Variants in DENND1B observed in about 807,000 individuals in gnomAD.
DENND1B encodes the protein DENN domain containing 1B, also known as DENN domain-containing protein 1B.
A neutral mutation model predicts 90.1 loss-of-function variants in DENND1B; 59 were observed. The observed-to-expected ratio is 0.65, with a 90% CI of 0.53 to 0.81. The LOEUF is 0.81. Among genes scored for constraint, DENND1B ranks in the 40% least tolerant of loss-of-function variants. The probability of loss-of-function intolerance (pLI) is 0.00; values close to 1 mark genes in which losing one functional copy is unlikely to be tolerated. For missense variants in DENND1B, 862 were observed against 912.6 expected, an observed-to-expected ratio of 0.94 and a Z score of 0.71; for synonymous variants, 337 against 324.6, an observed-to-expected ratio of 1.04 and a Z score of -0.41.
chr1:197,735,712 G>A, intron 2 of DENND1B: 1 of 1,613,864 alleles, frequency 6.2e-7, no homozygotes. Flanking sequence ...AGGACCGACA[G>A]GAAAGTTTTC....
At chr1:197,727,966 T>G (rs1265391678) in intron 2 of DENND1B, among the ~76,000 whole-genome samples, 1 of 152,250 alleles carries the variant, frequency 6.6e-6, no homozygotes, top group African/African-American at 2.4e-5. Flanking sequence ...TTCTCTCTTG[T>G]TGAAGAGCTG....
intron 5 of DENND1B, among the ~76,000 whole-genome samples, chr1:197,671,608 C>T (rs1025914991): frequency 5.9e-5 from 9 of 152,082 alleles, no homozygotes; most frequent in East Asian, 3.9e-4. Context: ...AGTAGCCAAA[C>T]GAAAACCTCT....
At chr1:197,547,498 G>T (rs1374270098) in intron 16 of DENND1B, among the ~76,000 whole-genome samples, 1 of 152,088 alleles carries the variant, frequency 6.6e-6, no homozygotes, top group South Asian at 2.1e-4. Context: ...ATTCACTTCT[G>T]TATTTAAAAT....
At chr1:197,618,145 G>A (rs1347500240) in intron 10 of DENND1B, among the ~76,000 whole-genome samples, 1 of 151,188 alleles carries the variant, frequency 6.6e-6, no homozygotes, top group African/African-American at 2.4e-5. Context: ...ATTAAATATG[G>A]AAAGGAAGAG....
At chr1:197,607,233 T>A (rs1043907519) in intron 12 of DENND1B, 59 bp from the exon 13 acceptor site, 9 of 1,205,224 alleles carry the variant, frequency 7.5e-6, no homozygotes, top group Non-Finnish European at 6.9e-6. Flanking sequence ...AAAGTTATGA[T>A]GAGTTTGGAA....
rs1656799541 is a variant in DENND1B at position 197,772,905 on chromosome 1, C to A, written c.45G>T (p.Leu15Phe). The A allele has an allele frequency of 3.9e-6, 6 of 1,551,810 alleles. No individual in the cohort carries two copies. The highest frequency in any genetic ancestry group is 1.4e-5 in the African/African-American group (1 of 73,038). The change falls in exon 2 of 23, where the codon TTG (leucine) becomes TTT (phenylalanine). Residue 15 changes from leucine (L) to phenylalanine (F), a missense_variant. By Grantham distance (22) the Leu-to-Phe change is conservative (BLOSUM62 0). Transcript: ENST00000620048. ...AGGCATGACATTTCACTTTCAACAC[C>A]AAGTCAAAGGTTCTGTCTGGATTTG... ...TKANPDRTFDLVLKVKCHASE... is the reference protein window; with the variant it reads ...TKANPDRTFDFVLKVKCHASE...
rs1661367196 is a variant in DENND1B, at chr1:197,723,482, C to T, written c.83-8408G>A. ...ATAAAGAAGGGAAAGAAATGCTGTA[C>T]CACAGATGTTCAATCTTGATTAATC... On this transcript the variant is annotated intron_variant, in intron 2 of 22. Coordinates refer to ENST00000620048, the MANE Select transcript of DENND1B (RefSeq NM_001195215.2). Among the ~76,000 whole-genome samples the T allele has an allele frequency of 2.6e-5, 4 of 152,084 alleles. No homozygotes were observed. The South Asian group carries it at 8.3e-4, about 31-fold the overall frequency.
At chr1:197,616,355 C>T (rs573764033) in intron 11 of DENND1B, among the ~76,000 whole-genome samples, 1 of 151,076 alleles carries the variant, frequency 6.6e-6, no homozygotes, top group South Asian at 2.1e-4. Flanking sequence ...TAAAGGAAAA[C>T]TCTAAAATGA....
chr1:197,609,718 A>G (rs375213635), intron 12 of DENND1B, among the ~76,000 whole-genome samples: 38 of 149,672 alleles, frequency 2.5e-4, no homozygotes, highest in African/African-American at 8.7e-4. Flanking sequence ...AAAAAATAGC[A>G]AAAACCGCAA....
At chr1:197,690,654 G>C (rs1387574605) in intron 3 of DENND1B, 1 of 206,044 alleles carries the variant, frequency 4.9e-6, no homozygotes, top group Admixed American at 4.8e-5. Context: ...CCTAATACCT[G>C]CACCCTAGTT....
intron 13 of DENND1B, chr1:197,605,637 A>G: frequency 6.6e-6 from 1 of 151,166 alleles, no homozygotes; most frequent in East Asian, 1.9e-4. Context: ...TTTTTAAATG[A>G]GTAACTCTAA....
At chr1:197,745,240 CAGTT>C (rs936524645) in intron 2 of DENND1B, among the ~76,000 whole-genome samples, 32 of 152,238 alleles carry the variant, frequency 2.1e-4, no homozygotes, top group African/African-American at 6.5e-4. Flanking sequence ...CTGACACAAA[CAGTT>C]AGTCGGGTGC....
intron 2 of DENND1B, among the ~76,000 whole-genome samples, chr1:197,744,470 T>C (rs1663516822): frequency 6.6e-6 from 1 of 152,188 alleles, no homozygotes. Flanking sequence ...AACAGGTACA[T>C]TGTCAATGAG....
At chr1:197,521,866 T>C (rs1045196764) in intron 20 of DENND1B, among the ~76,000 whole-genome samples, 6 of 152,148 alleles carry the variant, frequency 3.9e-5, no homozygotes, top group Middle Eastern at 3.4e-3. Context: ...TTGGTGAACA[T>C]TTTCTCTATT....
chr1:197,559,200 G>A lies in DENND1B; in HGVS notation c.1150-6088C>T, dbSNP rs532652268. ...AATTCCCTTAGTGGTCTAGACACAT[G>A]TTATATAAATATTTAATTGCAATCA... On this transcript the variant is annotated intron_variant, in intron 15 of 22. Coordinates refer to ENST00000620048, the MANE Select transcript of DENND1B (RefSeq NM_001195215.2). Among the ~76,000 whole-genome samples the A allele has an allele frequency of 4.6e-5, 7 of 151,986 alleles. No homozygotes were observed. The East Asian group carries it at 9.7e-4, about 21-fold the overall frequency.
intron 11 of DENND1B, among the ~76,000 whole-genome samples, 179 bp downstream of exon 11, chr1:197,617,480 T>C (rs1314653250): frequency 6.6e-6 from 1 of 151,242 alleles, no homozygotes; most frequent in Non-Finnish European, 1.5e-5. Flanking sequence ...AGGTATAAAC[T>C]TGCGCTACCT....
At chr1:197,576,641 T>C (rs1190849372) in intron 15 of DENND1B, among the ~76,000 whole-genome samples, 1 of 152,200 alleles carries the variant, frequency 6.6e-6, no homozygotes, top group African/African-American at 2.4e-5. Flanking sequence ...AAATGCAGAA[T>C]GCTTCCTAAA....
In DENND1B at chr1:197,505,091, T is replaced by C. The variant is rs1018575331; in HGVS notation, c.*5369A>G. The C allele has an allele frequency of 1.2e-4, 18 of 151,906 alleles. No individual in the cohort carries two copies. Among genetic ancestry groups the C allele is most frequent in the Admixed American group, 1.1e-3 (16 of 15,204 alleles). The allele number at this position is 151,906 out of a possible 1,614,324, so 9.4% of individuals were successfully genotyped here. A position where few individuals can be genotyped will look rare whatever the true frequency, so the allele number is the denominator to read the frequency against. On this transcript the variant is annotated 3_prime_UTR_variant, in exon 23 of 23. Coordinates refer to ENST00000620048, the MANE Select transcript of DENND1B (RefSeq NM_001195215.2). ...AATTTTGAACCCCTCCTGTGGCTTT[T>C]ACATAAAAAAGCTTTATGCATTTAT...
chr1:197,514,471 C>T (rs1305405336), intron 20 of DENND1B, among the ~76,000 whole-genome samples: 1 of 151,566 alleles, frequency 6.6e-6, no homozygotes, highest in South Asian at 2.1e-4. Context: ...TTGAAATACA[C>T]CATGATTATG....
Sources: gnomAD v4.1 joint callset for allele counts (sites outside exome capture counted in the v4.1 genomes callset) on GRCh38, gnomAD v4.1.1 for gene constraint, MANE v1.5 for transcripts, NCBI Gene and HGNC (gene_info 2026-07-23, HGNC 2026-07-21) for gene names.